Variants in GLIS3 observed in about 807,000 individuals in gnomAD.
GLIS3 encodes the protein zinc finger protein GLIS3.
GLIS3 carries 53 observed loss-of-function variants against 78.6 expected under a neutral mutation model. The ratio of observed to expected loss-of-function variants is 0.67; its 90% CI spans 0.54 to 0.85. The LOEUF is 0.85. GLIS3 is among the 40% of genes least tolerant of loss of function. GLIS3 has a pLI of 0.00. For synonymous variants in GLIS3, 684 were observed against 509.9 expected, an observed-to-expected ratio of 1.34 and a Z score of -4.60; for missense variants, 1,703 against 1,231.1, an observed-to-expected ratio of 1.38 and a Z score of -5.74.
chr9:4,150,600 T>C (rs923956106), intron 2 of GLIS3, among the ~76,000 whole-genome samples: 1 of 152,190 alleles, frequency 6.6e-6, no homozygotes. Flanking sequence ...CTCTCTCATA[T>C]CTTAAAAGAC....
At chr9:4,089,781 T>C (rs900790330) in intron 4 of GLIS3, among the ~76,000 whole-genome samples, 5 of 152,142 alleles carry the variant, frequency 3.3e-5, no homozygotes, top group African/African-American at 1.2e-4. Flanking sequence ...ATCATGCCAC[T>C]GCATTCTAGC....
intron 4 of GLIS3, among the ~76,000 whole-genome samples, chr9:4,060,088 T>G (rs548640769): frequency 6.6e-6 from 1 of 152,134 alleles, no homozygotes; most frequent in East Asian, 1.9e-4. Context: ...GTGAGCCCAT[T>G]TGGTAGCCCT....
At chr9:3,912,817 G>A (rs971142733) in intron 6 of GLIS3, among the ~76,000 whole-genome samples, 2 of 152,108 alleles carry the variant, frequency 1.3e-5, no homozygotes, top group Non-Finnish European at 2.9e-5. Context: ...ATTTCACTTT[G>A]CCATGAAAAA....
chr9:4,391,344 G>A, the GLIS3 span, among the ~76,000 whole-genome samples: 1 of 152,150 alleles, frequency 6.6e-6, no homozygotes, highest in East Asian at 1.9e-4. Flanking sequence ...TCCAAAGATT[G>A]CTTGTCTAGT....
At chr9:4,359,246 T>C in the GLIS3 span, among the ~76,000 whole-genome samples, 1 of 152,006 alleles carries the variant, frequency 6.6e-6, no homozygotes, top group Non-Finnish European at 1.5e-5. Context: ...CCCTGAGCAC[T>C]TCCTGCTTCC....
At chr9:4,384,190 A>C in the GLIS3 span, among the ~76,000 whole-genome samples, 1 of 152,134 alleles carries the variant, frequency 6.6e-6, no homozygotes, top group African/African-American at 2.4e-5. Context: ...CACTTTGTGG[A>C]GCACACTGGT....
chr9:4,479,052 T>C, the GLIS3 span, among the ~76,000 whole-genome samples: 2 of 152,142 alleles, frequency 1.3e-5, no homozygotes, highest in African/African-American at 4.8e-5. Flanking sequence ...AGTACCTTTA[T>C]TTTTTTAAAT....
At chr9:4,332,791 C>A (rs964270210) in intron 2 of GLIS3, among the ~76,000 whole-genome samples, 1 of 152,154 alleles carries the variant, frequency 6.6e-6, no homozygotes, top group Admixed American at 6.5e-5. Flanking sequence ...TGTTCCTCTA[C>A]ACATCTATTC....
intron 2 of GLIS3, among the ~76,000 whole-genome samples, chr9:4,226,725 C>T (rs1341189111): frequency 1.3e-5 from 2 of 152,206 alleles, no homozygotes; most frequent in Non-Finnish European, 2.9e-5. Context: ...ACTTAATTCT[C>T]CTGAATCTTG....
chr9:4,043,994 A>T (rs1047461333), intron 4 of GLIS3, among the ~76,000 whole-genome samples: 5 of 152,144 alleles, frequency 3.3e-5, no homozygotes, highest in Non-Finnish European at 7.4e-5. Context: ...AGGCAATATG[A>T]TGGGCCTTGT....
intron 4 of GLIS3, among the ~76,000 whole-genome samples, chr9:4,077,695 G>A (rs1052476603): frequency 4.6e-5 from 7 of 150,662 alleles, no homozygotes; most frequent in Non-Finnish European, 8.8e-5. Flanking sequence ...CAGGGGGCGC[G>A]GGGGGGTAAG....
intron 2 of GLIS3, among the ~76,000 whole-genome samples, chr9:4,317,976 A>G (rs1225305480): frequency 1.3e-5 from 2 of 152,238 alleles, no homozygotes; most frequent in African/African-American, 4.8e-5. Flanking sequence ...CTACATGGTA[A>G]AATCTCTGTG....
intron 4 of GLIS3, among the ~76,000 whole-genome samples, chr9:4,114,669 G>A (rs1033737711): frequency 2.0e-5 from 3 of 152,092 alleles, no homozygotes; most frequent in Non-Finnish European, 4.4e-5. Flanking sequence ...GGCATATCCC[G>A]GTTTCTGACT....
intron 8 of GLIS3, among the ~76,000 whole-genome samples, chr9:3,872,190 G>A (rs1021897929): frequency 3.9e-5 from 6 of 152,068 alleles, no homozygotes; most frequent in African/African-American, 9.7e-5. Flanking sequence ...TTTATTGTCC[G>A]TATCTCTATC....
intron 2 of GLIS3, among the ~76,000 whole-genome samples, chr9:4,225,132 C>G (rs548680937): frequency 6.6e-6 from 1 of 151,546 alleles, no homozygotes; most frequent in Non-Finnish European, 1.5e-5. Context: ...GCCTCAGAGA[C>G]GTTAAGGAGC....
chr9:4,410,143 TTTTTTTTTTC>T, the GLIS3 span, among the ~76,000 whole-genome samples: 28 of 151,620 alleles, frequency 1.8e-4, no homozygotes, highest in African/African-American at 5.8e-4. Context: ...GCTATTTTTT[TTTTTTTTTTC>T]TTAAGCAGAG....
At chr9:4,055,448 G>A (rs1204917857) in intron 4 of GLIS3, among the ~76,000 whole-genome samples, 1 of 152,100 alleles carries the variant, frequency 6.6e-6, no homozygotes, top group Non-Finnish European at 1.5e-5. Context: ...CCTGACCATG[G>A]GAGTTCCAAG....
chr9:4,118,091 G>C lies in GLIS3; in HGVS notation c.1387C>G (p.His463Asp), dbSNP rs1395045777. 5 of 1,560,130 alleles carry C rather than the reference G, an allele frequency of 3.2e-6. No homozygotes were observed. Among genetic ancestry groups the C allele is most frequent in the Admixed American group, 3.6e-5 (2 of 55,850 alleles). The change falls in exon 4 of 11, where the codon CAT (histidine) becomes GAT (aspartate). Residue 463 changes from histidine to aspartate, a missense_variant. By Grantham distance (81) the His-to-Asp change is moderately conservative. Transcript: ENST00000381971. The surrounding 1 kb of genome is among the most constrained non-coding windows in gnomAD (Gnocchi z 4.7). The stretch of plus-strand genomic sequence containing the variant: ...GGGTGGTGAAGGTGCGCATGGGCAT[G>C]GTAAGGGGGTGGGGGGCCTGGGGGC... ...PPPPGPPPPY[H>D]AHAHLHHPEL...
At position 3,977,194 on chromosome 9, in the gene GLIS3, T is replaced by C. The variant is rs1025504713; in HGVS notation, c.1711-40005A>G. 5.9e-5 allele frequency among the ~76,000 whole-genome samples: 9 copies of C among 152,222 alleles called. 1 individual carries two copies. The highest frequency in any genetic ancestry group is 1.9e-4 in the African/African-American group (8 of 41,548). On this transcript the variant is annotated intron_variant, in intron 4 of 10. Transcript: ENST00000381971. This position sits in a 1 kb window ranked among gnomAD's most constrained non-coding sequence, Gnocchi z 4.1. The stretch of plus-strand genomic sequence containing the variant: ...TACAACTCCCAAGCCGGGAGAAATA[T>C]TGTCAGTTCAGATGACAAAAGACCT...
Sources: allele counts gnomAD v4.1 joint callset (sites outside exome capture counted in the v4.1 genomes callset), GRCh38; gene constraint gnomAD v4.1.1; non-coding constraint Gnocchi (gnomAD v3.1); transcripts MANE v1.5; gene names NCBI Gene and HGNC (gene_info 2026-07-23, HGNC 2026-07-21).